The following LMNB2 variants were observed in gnomAD, a reference collection of about 807,000 sequenced individuals.
LMNB2 encodes the protein lamin B2.
Under a neutral mutation model 69.3 loss-of-function variants are expected in LMNB2, and 17 were observed. The observed-to-expected ratio is 0.25, with a 90% CI of 0.17 to 0.37. The LOEUF is 0.37. Among genes scored for constraint, LMNB2 ranks in the 10% least tolerant of loss-of-function variants. The pLI is 1.00. For missense variants in LMNB2, 789 were observed against 883.6 expected, an observed-to-expected ratio of 0.89 and a Z score of 1.36; for synonymous variants, 397 against 389.3, an observed-to-expected ratio of 1.02 and a Z score of -0.23.
rs1391715290 is a variant in LMNB2, at chr19:2,434,503, C to T, written c.994G>A (p.Glu332Lys). Residue 332 changes from glutamate to lysine, a missense_variant, in exon 7 of 12, where the codon GAA (glutamate) becomes AAA (lysine). Transcript: ENST00000325327. ...SGLQKQASAA[E>K]DRIRELEEAM... ...TCCTCCAGCTCCCGAATGCGATCTT[C>T]AGCGGCACTGGCCTGCGGAGGGGGC... 6.2e-7 allele frequency: 1 copy of T among 1,612,744 alleles called. No homozygotes were observed. The highest frequency in any genetic ancestry group is 8.5e-7 in the Non-Finnish European group (1 of 1,179,938).
chr19:2,456,647 G>A (rs780103222), intron 1 of LMNB2, 23 bp downstream of exon 1: 2 of 1,474,118 alleles, frequency 1.4e-6, no homozygotes, highest in Non-Finnish European at 1.8e-6. Context: ...ACCCCCGCCC[G>A]GCCCCTAAGC....
At position 2,434,471 on chromosome 19, in the gene LMNB2, C is replaced by CA; in HGVS notation, c.1025dup (p.Met342IlefsTer94). 1 of 1,613,314 alleles carries CA rather than the reference C, an allele frequency of 6.2e-7. No individual in the cohort carries two copies. Among genetic ancestry groups the CA allele is most frequent in the Non-Finnish European group, 8.5e-7 (1 of 1,179,964 alleles). On this transcript the variant is annotated frameshift_variant, in exon 7 of 12. Transcript: ENST00000325327. LOFTEE classifies it high-confidence loss of function. ...TCCGGAACTTGTCCCGCTCCCCGGC[C>CA]ATGGCCTCCTCCAGCTCCCGAATGC...
chr19:2,439,907 A>G (rs1971875224), intron 2 of LMNB2, among the ~76,000 whole-genome samples: 2 of 151,614 alleles, frequency 1.3e-5, no homozygotes, highest in Non-Finnish European at 1.5e-5. Flanking sequence ...CTAATTTTTT[A>G]TTTTTAGTAG....
chr19:2,434,965 A>AC, intron 5 of LMNB2, 36 bp downstream of exon 5: 4 of 1,312,584 alleles, frequency 3.0e-6, no homozygotes, highest in Non-Finnish European at 4.2e-6. Context: ...CGGGGTTCCC[A>AC]CCGGCCGCCC....
chr19:2,435,461 G>C (rs988420024), intron 4 of LMNB2, among the ~76,000 whole-genome samples: 4 of 152,164 alleles, frequency 2.6e-5, no homozygotes, highest in Admixed American at 6.5e-5. Flanking sequence ...CACACGGTGC[G>C]TGATCCCATT....
At position 2,456,764 on chromosome 19, in the gene LMNB2, A is replaced by G; in HGVS notation, c.170T>C (p.Leu57Pro). Residue 57 changes from leucine (L) to proline (P), a missense_variant, in exon 1 of 12, where the codon CTG (leucine) becomes CCG (proline). Leu to Pro is a moderately conservative substitution (Grantham distance 98, BLOSUM62 -3). Around this residue, in one of 3 missense-constraint regions of LMNB2, gnomAD observed 145 missense variants for 228.9 expected, o/e 0.63. Coordinates refer to ENST00000325327, the MANE Select transcript of LMNB2 (RefSeq NM_032737.4). ...GCGGACGCGGTCGATGTAGTGCGCC[A>G]GGCGGTCGTTGAGCTCGCGCAGCTC... ...KEELRELNDRLAHYIDRVRAL... is the reference protein window; with the variant it reads ...KEELRELNDRPAHYIDRVRAL... 6.4e-7 allele frequency: 1 copy of G among 1,550,744 alleles called. No individual in the cohort carries two copies. Among genetic ancestry groups the G allele is most frequent in the Non-Finnish European group, 8.7e-7 (1 of 1,148,456 alleles).
intron 1 of LMNB2, among the ~76,000 whole-genome samples, chr19:2,449,752 G>A (rs1568208505): frequency 6.6e-6 from 1 of 151,940 alleles, no homozygotes; most frequent in Non-Finnish European, 1.5e-5. Flanking sequence ...GCTGCAGCCT[G>A]GGTGGTACAG....
rs767829560 is a variant in LMNB2 at position 2,438,522 on chromosome 19, C to G, written c.411G>C (p.Lys137Asn). 2 of 1,608,232 alleles carry G rather than the reference C, an allele frequency of 1.2e-6. No individual in the cohort carries two copies. The highest frequency in any genetic ancestry group is 2.2e-5 in the South Asian group (2 of 90,876). ...ELDEVNKSAK[K>N]REGELTVAQG... Reference sequence around the variant, plus strand: ...GGGCCACCGTAAGCTCGCCCTCCCTCTTCTTGGCGCTGAAAGTCAAGAGGG... The same window carrying G: ...GGGCCACCGTAAGCTCGCCCTCCCTGTTCTTGGCGCTGAAAGTCAAGAGGG... The change falls in exon 3 of 12, where the codon AAG becomes AAC. Residue 137 changes from lysine (K) to asparagine (N), a missense_variant. Lys to Asn is a moderately conservative substitution (Grantham distance 94). Around this residue, in one of 3 missense-constraint regions of LMNB2, gnomAD observed 145 missense variants for 228.9 expected, o/e 0.63. Coordinates refer to ENST00000325327, the MANE Select transcript of LMNB2 (RefSeq NM_032737.4).
At chr19:2,450,256 C>T (rs1329528425) in intron 1 of LMNB2, among the ~76,000 whole-genome samples, 1 of 152,106 alleles carries the variant, frequency 6.6e-6, no homozygotes, top group African/African-American at 2.4e-5. Flanking sequence ...CAACCAGAAC[C>T]TCTAACCAGG....
rs766763812 is a variant in LMNB2, at chr19:2,444,511, C to T, written c.294G>A (p.Ser98=). ...EVSGIKALYE[S]ELADARRVLD... ...GGACTCTCCGGGCATCGGCCAGCTCCGACTCGTACAGCGCCTTGATGCCAC... is the reference window on the plus strand; with the variant it reads ...GGACTCTCCGGGCATCGGCCAGCTCTGACTCGTACAGCGCCTTGATGCCAC... The change falls in exon 2 of 12, where the codon TCG becomes TCA. Residue 98 remains serine, a synonymous_variant. Transcript: ENST00000325327. The T allele has an allele frequency of 6.2e-6, 10 of 1,612,208 alleles. No homozygotes were observed. The highest frequency in any genetic ancestry group is 3.3e-5 in the Admixed American group (2 of 60,004).
chr19:2,444,987 G>A (rs1002009364), intron 1 of LMNB2, among the ~76,000 whole-genome samples: 6 of 152,192 alleles, frequency 3.9e-5, no homozygotes, highest in African/African-American at 1.4e-4. Context: ...ATAGCGACAC[G>A]ATGCCTGGCC....
intron 11 of LMNB2, 114 bp from the exon 12 acceptor site, chr19:2,431,066 T>C (rs1389203496): frequency 2.7e-6 from 2 of 739,022 alleles, no homozygotes; most frequent in African/African-American, 3.5e-5. Flanking sequence ...AACAACAGTG[T>C]CTATTTCTAG....
chr19:2,438,528 G>C lies in LMNB2; in HGVS notation c.405C>G (p.Ala135=), dbSNP rs1176604324. 6.2e-7 allele frequency: 1 copy of C among 1,607,854 alleles called. No individual in the cohort carries two copies. Residue 135 remains alanine, a synonymous_variant, in exon 3 of 12, where the codon GCC becomes GCG. Transcript: ENST00000325327. ...RAELDEVNKS[A]KKREGELTVA... is the part of the protein sequence containing the mutation. The stretch of plus-strand genomic sequence containing the variant: ...CCGTAAGCTCGCCCTCCCTCTTCTT[G>C]GCGCTGAAAGTCAAGAGGGCAAGTG...
chr19:2,434,192 A>G (rs984355181), intron 7 of LMNB2, 87 bp from the exon 8 acceptor site: 13 of 1,499,536 alleles, frequency 8.7e-6, no homozygotes, highest in Non-Finnish European at 9.8e-6. Flanking sequence ...GCCCGGCCCC[A>G]CCTCCACCCC....
Position 2,452,768 on chromosome 19 carries a change from G to A in LMNB2, c.264+3902C>T, listed in dbSNP as rs559257497. On this transcript the variant is annotated intron_variant, in intron 1 of 11. Transcript: ENST00000325327. ...GGCGTGTGTGAGGACCTCGGGGGCC[G>A]CCACACACCAGGATGCTGTGAGTCG... Among the ~76,000 whole-genome samples the A allele has an allele frequency of 4.8e-4, 73 of 152,170 alleles. No homozygotes were observed. The South Asian group carries it at 6.4e-3, about 13-fold the overall frequency.
At chr19:2,436,150 G>A (rs528105969) in intron 4 of LMNB2, among the ~76,000 whole-genome samples, 16 of 152,248 alleles carry the variant, frequency 1.1e-4, no homozygotes, top group Middle Eastern at 3.4e-3. Flanking sequence ...CGGGTTGGTG[G>A]CACCCGCCTA....
At position 2,446,393 on chromosome 19, in the gene LMNB2, G is replaced by A. The variant is rs183907771; in HGVS notation, c.265-1853C>T. Among the ~76,000 whole-genome samples, 216 of 151,936 alleles carry A rather than the reference G, an allele frequency of 1.4e-3. 1 individual carries two copies. The highest frequency in any genetic ancestry group is 5.1e-3 in the African/African-American group (213 of 41,438). On this transcript the variant is annotated intron_variant, in intron 1 of 11. Coordinates refer to ENST00000325327, the MANE Select transcript of LMNB2 (RefSeq NM_032737.4). ...CAAAGCCCCCAAACCCGCCCCTCTC[G>A]AGGGCCTCCAGGTGAACTCGAGGCA...
Position 2,456,858 on chromosome 19 carries a change from G to C in LMNB2, c.76C>G (p.Pro26Ala), listed in dbSNP as rs1253671205. 1 of 1,205,872 alleles carries C rather than the reference G, an allele frequency of 8.3e-7. No individual in the cohort carries two copies. Among genetic ancestry groups the C allele is most frequent in the Non-Finnish European group, 1.0e-6 (1 of 969,686 alleles). 74.7% of individuals were successfully genotyped at this position (1,205,872 alleles called of 1,614,324 possible). A position where few individuals can be genotyped will look rare whatever the true frequency, so the allele number is the denominator to read the frequency against. The change falls in exon 1 of 12, where the codon CCC (proline) becomes GCC (alanine). Residue 26 changes from proline to alanine, a missense_variant. This residue lies in a region of LMNB2 where 145 missense variants were observed against 228.9 expected (regional missense o/e 0.63). Coordinates refer to ENST00000325327, the MANE Select transcript of LMNB2 (RefSeq NM_032737.4). ...GTGGCGGGCCCGCCCGCGCGGCCGG[G>C]CAGCGGCGTGGCCATGGTGGCGGCG... ...RAAATMATPLPGRAGGPATPL... is the reference protein window; with the variant it reads ...RAAATMATPLAGRAGGPATPL...
In LMNB2 at chr19:2,430,692, G is replaced by A. The variant is rs1971728610; in HGVS notation, c.*219C>T. 13 of 634,336 alleles carry A rather than the reference G, an allele frequency of 2.0e-5. No homozygotes were observed. Among genetic ancestry groups the A allele is most frequent in the Non-Finnish European group, 3.5e-5 (12 of 345,512 alleles). 39.3% of individuals were successfully genotyped at this position (634,336 alleles called of 1,614,324 possible). A position where few individuals can be genotyped will look rare whatever the true frequency, so the allele number is the denominator to read the frequency against. ...ACCAAATGGTGAGATGAGGAGTGGGGTGGGATTGAAAAGTCTCCGGGGCAG... is the reference window on the plus strand; with the variant it reads ...ACCAAATGGTGAGATGAGGAGTGGGATGGGATTGAAAAGTCTCCGGGGCAG... On this transcript the variant is annotated 3_prime_UTR_variant, in exon 12 of 12. Coordinates refer to ENST00000325327, the MANE Select transcript of LMNB2 (RefSeq NM_032737.4).
Sources: gnomAD v4.1 joint callset for allele counts (sites outside exome capture counted in the v4.1 genomes callset) on GRCh38, gnomAD v4.1.1 for gene constraint, gnomAD v4.1.1 regional missense constraint, MANE v1.5 for transcripts, NCBI Gene and HGNC (gene_info 2026-07-23, HGNC 2026-07-21) for gene names.